Variants in FILIP1L observed in about 807,000 individuals in gnomAD.
FILIP1L encodes filamin A-interacting protein 1-like.
Under a neutral mutation model 96.6 loss-of-function variants are expected in FILIP1L, and 55 were observed. That is an observed-to-expected ratio of 0.57 (90% CI 0.46 to 0.71). FILIP1L has a LOEUF of 0.71. FILIP1L is among the 30% of genes least tolerant of loss of function. The probability of loss-of-function intolerance (pLI) is 0.00; values close to 1 mark genes in which losing one functional copy is unlikely to be tolerated. For missense variants in FILIP1L, 1,304 were observed against 1,321.2 expected (o/e 0.99, Z 0.20); for synonymous variants, 467 against 473.9 (o/e 0.99, Z 0.19).
chr3:99,904,694 A>T (rs1046808787), intron 4 of FILIP1L, among the ~76,000 whole-genome samples: 1 of 151,752 alleles, frequency 6.6e-6, no homozygotes, highest in Admixed American at 6.6e-5. Flanking sequence ...ATTTTACCCC[A>T]TTATCACTGT....
At chr3:100,112,602 C>T (rs2066510173) in intron 1 of FILIP1L, among the ~76,000 whole-genome samples, 1 of 152,178 alleles carries the variant, frequency 6.6e-6, no homozygotes, top group African/African-American at 2.4e-5. Flanking sequence ...AATAAATTGT[C>T]ACTCTTTAAA....
chr3:100,051,904 T>G (rs1187139391), intron 1 of FILIP1L, among the ~76,000 whole-genome samples: 1 of 148,646 alleles, frequency 6.7e-6, no homozygotes, highest in African/African-American at 2.4e-5. Flanking sequence ...ATATATTTAT[T>G]AATATGTGTT....
intron 4 of FILIP1L, among the ~76,000 whole-genome samples, chr3:99,921,941 C>A (rs1311692576): frequency 6.6e-6 from 1 of 152,198 alleles, no homozygotes; most frequent in Admixed American, 6.5e-5. Flanking sequence ...TCTTTGCCAT[C>A]TGCCTCCCAA....
intron 1 of FILIP1L, among the ~76,000 whole-genome samples, chr3:99,989,419 A>G (rs1420318857): frequency 2.0e-5 from 3 of 152,108 alleles, no homozygotes; most frequent in Non-Finnish European, 2.9e-5. Context: ...CTAATAACCC[A>G]ATTACTGTGT....
At chr3:99,897,975 C>A (rs999067224) in intron 4 of FILIP1L, among the ~76,000 whole-genome samples, 1 of 152,188 alleles carries the variant, frequency 6.6e-6, no homozygotes, top group Admixed American at 6.5e-5. Context: ...AAAAGATATC[C>A]TACCTCCAAT....
At chr3:100,046,313 T>C (rs754418557) in intron 1 of FILIP1L, among the ~76,000 whole-genome samples, 1 of 152,208 alleles carries the variant, frequency 6.6e-6, no homozygotes, top group Non-Finnish European at 1.5e-5. Flanking sequence ...GCCTCAGACA[T>C]GTCTTAAAAA....
chr3:99,850,624 A>T lies in FILIP1L; in HGVS notation c.1052T>A (p.Leu351Gln), dbSNP rs756489358. The T allele has an allele frequency of 3.1e-6, 5 of 1,613,832 alleles. No individual in the cohort carries two copies. The South Asian group carries it at 5.5e-5, about 18-fold the overall frequency. The part of the protein sequence containing the change: ...NRSLRKAEEE[L>Q]QDIKEKISKG... ...ACTGATTTTTTCTTTTATATCTTGC[A>T]GCTCCTCTTCTGCTTTTCGTAAAGA... Residue 351 changes from leucine to glutamine, a missense_variant, in exon 5 of 6, where the codon CTG (leucine) becomes CAG (glutamine). Coordinates refer to ENST00000477258, the MANE Select transcript of FILIP1L (RefSeq NM_001387850.1).
chr3:100,015,356 A>G (rs1377340286), intron 1 of FILIP1L, among the ~76,000 whole-genome samples: 1 of 151,952 alleles, frequency 6.6e-6, no homozygotes, highest in African/African-American at 2.4e-5. Flanking sequence ...TTTTTGCTCG[A>G]GATTGGAGTA....
At chr3:99,961,365 T>TAC (rs1375934358) in intron 1 of FILIP1L, among the ~76,000 whole-genome samples, 1 of 152,202 alleles carries the variant, frequency 6.6e-6, no homozygotes, top group Non-Finnish European at 1.5e-5. Flanking sequence ...CTTATATATA[T>TAC]ACCTTAAAAT....
intron 4 of FILIP1L, among the ~76,000 whole-genome samples, chr3:99,893,026 G>A (rs1333221544): frequency 6.6e-6 from 1 of 152,160 alleles, no homozygotes; most frequent in Non-Finnish European, 1.5e-5. Flanking sequence ...GAGTGGCAAT[G>A]CCTTGCTAAG....
At chr3:99,856,774 A>G (rs1943986172) in intron 4 of FILIP1L, among the ~76,000 whole-genome samples, 1 of 152,200 alleles carries the variant, frequency 6.6e-6, no homozygotes, top group Non-Finnish European at 1.5e-5. Context: ...TTTTATTTGC[A>G]GACACATATA....
chr3:100,047,872 G>A lies in FILIP1L; in HGVS notation c.-11+66181C>T, dbSNP rs545005481. ...CATTTTTGGTTGTCAAAATGACAGG[G>A]TGGGCGAAAAATGATAGGATGGAGG... is the stretch of plus-strand genomic sequence containing the variant. On this transcript the variant is annotated intron_variant, in intron 1 of 5. Transcript: ENST00000477258. Among the ~76,000 whole-genome samples the A allele has an allele frequency of 5.9e-5, 9 of 152,240 alleles. No individual in the cohort carries two copies. The South Asian group carries it at 1.5e-3, about 25-fold the overall frequency.
rs571463954 is a variant in FILIP1L at position 99,848,929 on chromosome 3, G to C, written c.2747C>G (p.Thr916Ser). The change falls in exon 5 of 6, where the codon ACT becomes AGT. Residue 916 changes from threonine (T) to serine (S), a missense_variant. Transcript: ENST00000477258. ...TGTGGTTGGACTTGTGATTTCAAGA[G>C]TGGCTGTGTTTTGTACATGGTCTGG... ...VTPDHVQNTATLEITSPTTES... is the reference protein window; with the variant it reads ...VTPDHVQNTASLEITSPTTES... 1.1e-5 allele frequency: 17 copies of C among 1,614,174 alleles called. No individual in the cohort carries two copies. The East Asian group carries it at 1.8e-4, about 17-fold the overall frequency.
At chr3:99,991,121 C>CA (rs1423869227) in intron 1 of FILIP1L, among the ~76,000 whole-genome samples, 1 of 152,194 alleles carries the variant, frequency 6.6e-6, no homozygotes, top group African/African-American at 2.4e-5. Context: ...CATCTCCCCC[C>CA]ATAATGGAAT....
At chr3:99,952,675 TTCCTC>T (rs1246931064) in intron 1 of FILIP1L, among the ~76,000 whole-genome samples, 11 of 152,308 alleles carry the variant, frequency 7.2e-5, no homozygotes, top group Non-Finnish European at 1.3e-4. Context: ...AAGCATGAAT[TTCCTC>T]TTTCTACCCT....
intron 1 of FILIP1L, among the ~76,000 whole-genome samples, chr3:99,931,920 G>A (rs893380916): frequency 1.3e-5 from 2 of 152,122 alleles, no homozygotes; most frequent in African/African-American, 2.4e-5. Flanking sequence ...TGGCATATAA[G>A]CAGATTATTA....
At chr3:99,876,172 G>A in intron 4 of FILIP1L, 1 of 985,506 alleles carries the variant, frequency 1.0e-6, no homozygotes, top group Non-Finnish European at 1.2e-6. Context: ...CCCGAACAAT[G>A]CGAGCGGGGC....
intron 1 of FILIP1L, among the ~76,000 whole-genome samples, chr3:100,062,197 C>CAATG (rs2065583097): frequency 6.8e-6 from 1 of 148,052 alleles, no homozygotes; most frequent in Admixed American, 6.8e-5. Flanking sequence ...CTGCAAGCTC[C>CAATG]GCCTCCCGGG....
intron 4 of FILIP1L, among the ~76,000 whole-genome samples, chr3:99,903,258 G>GTT (rs11425482): frequency 2.3e-4 from 34 of 148,364 alleles, no homozygotes; most frequent in South Asian, 8.6e-4. Context: ...ACATATGCAT[G>GTT]TTTTTTTTTT....
Sources: gnomAD v4.1 joint callset for allele counts (sites outside exome capture counted in the v4.1 genomes callset) on GRCh38, gnomAD v4.1.1 for gene constraint, MANE v1.5 for transcripts, NCBI Gene and HGNC (gene_info 2026-07-23, HGNC 2026-07-21) for gene names.